The following RUNX2 variants were observed in gnomAD, a reference collection of about 807,000 sequenced individuals.
The protein encoded by RUNX2 is runt-related transcription factor 2.
Under a neutral mutation model 51.7 loss-of-function variants are expected in RUNX2, and 10 were observed. That is an observed-to-expected ratio of 0.19 (90% CI 0.12 to 0.33). The LOEUF is 0.33. Ranked by LOEUF, RUNX2 falls within the 10% of genes least tolerant of loss-of-function variation. The pLI, the probability that RUNX2 is intolerant of heterozygous loss-of-function variation, is 1.00. For missense variants in RUNX2, 562 were observed against 691.3 expected, an observed-to-expected ratio of 0.81 and a Z score of 2.10; for synonymous variants, 276 against 273.6, an observed-to-expected ratio of 1.01 and a Z score of -0.09.
chr6:45,490,123 A>G (rs1279220933), intron 5 of RUNX2, among the ~76,000 whole-genome samples: 1 of 152,164 alleles, frequency 6.6e-6, no homozygotes, highest in Admixed American at 6.5e-5. Flanking sequence ...ACCATAAGCT[A>G]GTTGTTCTAC....
intron 7 of RUNX2, among the ~76,000 whole-genome samples, chr6:45,541,311 TA>T (rs1260275054): frequency 6.6e-6 from 1 of 152,008 alleles, no homozygotes; most frequent in Non-Finnish European, 1.5e-5. Context: ...AGGGAGTGAG[TA>T]AGGGTCCAAA....
intron 2 of RUNX2, among the ~76,000 whole-genome samples, chr6:45,390,096 TA>T: frequency 6.6e-6 from 1 of 152,338 alleles, no homozygotes; most frequent in East Asian, 1.9e-4. Context: ...TAGTATTATT[TA>T]AAAATTCAAA....
intron 2 of RUNX2, among the ~76,000 whole-genome samples, chr6:45,358,691 T>A (rs1472557715): frequency 6.6e-6 from 1 of 152,196 alleles, no homozygotes; most frequent in Non-Finnish European, 1.5e-5. Context: ...CAGTCTCTTA[T>A]CTGAAATATG....
chr6:45,353,382 TACTA>T lies in RUNX2; in HGVS notation c.58+24603_58+24606del, dbSNP rs538150407. Among the ~76,000 whole-genome samples, 45 of 152,170 alleles carry T rather than the reference TACTA, an allele frequency of 3.0e-4. No individual in the cohort carries two copies. In the South Asian group the frequency reaches 3.1e-3, roughly 11 times the overall value. On this transcript the variant is annotated intron_variant, in intron 2 of 8. Coordinates refer to ENST00000647337, the MANE Select transcript of RUNX2 (RefSeq NM_001024630.4). ...TTATGCGGATGGACTTGAACTATAA[TACTA>T]ACTATTAAAACATATTAAGAAGCTA...
chr6:45,444,554 A>G (rs1033813815), intron 5 of RUNX2, among the ~76,000 whole-genome samples: 5 of 152,148 alleles, frequency 3.3e-5, no homozygotes, highest in Admixed American at 6.5e-5. Flanking sequence ...TACTGTTGGT[A>G]TTTCTAGGCT....
chr6:45,411,723 T>G (rs559153929), intron 2 of RUNX2, among the ~76,000 whole-genome samples: 11 of 152,320 alleles, frequency 7.2e-5, no homozygotes, highest in African/African-American at 2.4e-4. Flanking sequence ...TATAATAAGT[T>G]ATAACACTTC....
At chr6:45,334,449 C>CAAAAAAAA (rs551014969) in intron 2 of RUNX2, among the ~76,000 whole-genome samples, 70 of 91,714 alleles carry the variant, frequency 7.6e-4, no homozygotes, top group East Asian at 1.1e-3. Context: ...TCAGGAAAAG[C>CAAAAAAAA]AAAAAAAAAA....
At chr6:45,520,139 A>G (rs1801461209) in intron 7 of RUNX2, among the ~76,000 whole-genome samples, 1 of 151,914 alleles carries the variant, frequency 6.6e-6, no homozygotes, top group African/African-American at 2.4e-5. Context: ...ACCGGATGCT[A>G]TTATATTTTT....
chr6:45,330,291 C>G (rs1787197563), intron 2 of RUNX2, among the ~76,000 whole-genome samples: 1 of 151,830 alleles, frequency 6.6e-6, no homozygotes, highest in East Asian at 1.9e-4. Context: ...CACAGCTAGA[C>G]TACATTACAA....
intron 2 of RUNX2, among the ~76,000 whole-genome samples, chr6:45,414,264 A>C (rs1181993664): frequency 3.3e-5 from 5 of 152,120 alleles, no homozygotes; most frequent in Non-Finnish European, 5.9e-5. Flanking sequence ...AAAAGTGGGA[A>C]TCATGGTACC....
Position 45,474,929 on chromosome 6 carries a change from G to A in RUNX2, c.686-17012G>A, listed in dbSNP as rs546388941. On this transcript the variant is annotated intron_variant, in intron 5 of 8. Transcript: ENST00000647337. ...GTGGGAATTCAGAGATGATGACTGA[G>A]TTCTGACCCATCTCTGGCCCATCAC... Among the ~76,000 whole-genome samples the A allele has an allele frequency of 2.0e-5, 3 of 152,162 alleles. No homozygotes were observed. The South Asian group carries it at 6.2e-4, about 32-fold the overall frequency.
At chr6:45,536,758 A>C (rs995342343) in intron 7 of RUNX2, among the ~76,000 whole-genome samples, 1 of 152,224 alleles carries the variant, frequency 6.6e-6, no homozygotes, top group Non-Finnish European at 1.5e-5. Context: ...CTACTTTAAG[A>C]AGCAGAGTCC....
chr6:45,328,518 C>T (rs753679387), intron 1 of RUNX2, 58 bp downstream of exon 1: 345 of 1,555,592 alleles, frequency 2.2e-4, no homozygotes, highest in Non-Finnish European at 2.7e-4. Flanking sequence ...AATATTTGCT[C>T]ATTCTCTTTT....
intron 7 of RUNX2, among the ~76,000 whole-genome samples, chr6:45,538,647 CCCTTTTTTCCT>C (rs917791733): frequency 2.6e-5 from 4 of 152,002 alleles, no homozygotes; most frequent in African/African-American, 7.2e-5. Context: ...GTGGATTTGT[CCCTTTTTTCCT>C]CCTTTTTTCC....
chr6:45,375,319 C>T (rs1223998329), intron 2 of RUNX2, among the ~76,000 whole-genome samples: 4 of 152,118 alleles, frequency 2.6e-5, no homozygotes, highest in Non-Finnish European at 4.4e-5. Context: ...GGTCCCAATT[C>T]GAACATTTTG....
intron 2 of RUNX2, among the ~76,000 whole-genome samples, chr6:45,364,385 CCA>C (rs1180794719): frequency 6.6e-6 from 1 of 152,104 alleles, no homozygotes; most frequent in Non-Finnish European, 1.5e-5. Context: ...ATCAATTTAG[CCA>C]CAAGAGGAAG....
At chr6:45,543,336 C>T (rs956443344) in intron 7 of RUNX2, among the ~76,000 whole-genome samples, 18 of 152,060 alleles carry the variant, frequency 1.2e-4, no homozygotes, top group Non-Finnish European at 8.8e-5. Context: ...GCCTAATAGC[C>T]GAATGTACTT....
At chr6:45,419,311 A>G (rs1798126514) in intron 2 of RUNX2, among the ~76,000 whole-genome samples, 1 of 152,116 alleles carries the variant, frequency 6.6e-6, no homozygotes, top group South Asian at 2.1e-4. Context: ...GAAATAATCA[A>G]TTCCCATAAC....
chr6:45,436,229 A>G (rs1798680169), intron 4 of RUNX2, among the ~76,000 whole-genome samples: 1 of 152,168 alleles, frequency 6.6e-6, no homozygotes, highest in Admixed American at 6.5e-5. Context: ...CTAGAAATAA[A>G]TTACTTATTA....
Sources: allele counts gnomAD v4.1 joint callset (sites outside exome capture counted in the v4.1 genomes callset), GRCh38; gene constraint gnomAD v4.1.1; transcripts MANE v1.5; gene names NCBI Gene and HGNC (gene_info 2026-07-23, HGNC 2026-07-21).